Variants in GAS7 observed in about 807,000 individuals in gnomAD.
GAS7 encodes growth arrest specific 7, also known as growth arrest-specific protein 7.
GAS7 carries 28 observed loss-of-function variants against 71.1 expected under a neutral mutation model. The observed-to-expected ratio is 0.39, with a 90% CI of 0.29 to 0.54. The LOEUF (loss-of-function observed/expected upper bound fraction) is 0.54. Among genes scored for constraint, GAS7 ranks in the 20% least tolerant of loss-of-function variants. The probability of loss-of-function intolerance (pLI) is 0.62; values close to 1 mark genes in which losing one functional copy is unlikely to be tolerated. For synonymous variants in GAS7, 258 were observed against 245.8 expected, an observed-to-expected ratio of 1.05 and a Z score of -0.46; for missense variants, 436 against 627.8, an observed-to-expected ratio of 0.69 and a Z score of 3.27.
At chr17:10,041,546 C>A (rs2072870329) in intron 1 of GAS7, among the ~76,000 whole-genome samples, 3 of 152,234 alleles carry the variant, frequency 2.0e-5, no homozygotes, top group Admixed American at 2.0e-4. Flanking sequence ...GCAGAACACA[C>A]TAGTCCTGCA....
At chr17:10,168,099 C>T (rs1310847960) in intron 1 of GAS7, among the ~76,000 whole-genome samples, 1 of 152,156 alleles carries the variant, frequency 6.6e-6, no homozygotes, top group Non-Finnish European at 1.5e-5. Context: ...AGGCTCAATT[C>T]TTTGCCATGG....
intron 2 of GAS7, among the ~76,000 whole-genome samples, chr17:10,007,731 G>A (rs1039782724): frequency 2.7e-5 from 4 of 149,226 alleles, no homozygotes; most frequent in Non-Finnish European, 5.9e-5. Flanking sequence ...CACTTTTATT[G>A]CAATATAATT....
chr17:10,160,151 C>T (rs2074240660), intron 1 of GAS7, among the ~76,000 whole-genome samples: 1 of 152,138 alleles, frequency 6.6e-6, no homozygotes, highest in African/African-American at 2.4e-5. Flanking sequence ...AGCGATCCAC[C>T]CACCTCAGCC....
At chr17:10,066,111 G>A (rs955439644) in intron 1 of GAS7, among the ~76,000 whole-genome samples, 6 of 152,174 alleles carry the variant, frequency 3.9e-5, no homozygotes, top group Admixed American at 3.3e-4. Context: ...TTGCTATGGC[G>A]TAGGGTAGGA....
At chr17:10,069,631 T>C (rs1283042818) in intron 1 of GAS7, among the ~76,000 whole-genome samples, 3 of 152,174 alleles carry the variant, frequency 2.0e-5, no homozygotes, top group Non-Finnish European at 2.9e-5. Flanking sequence ...CTGTGGTCCA[T>C]TTGACCCCAC....
intron 1 of GAS7, among the ~76,000 whole-genome samples, chr17:10,122,344 A>G (rs3764425): frequency 0.33 from 50,375 of 151,980 alleles, 8,763 homozygotes; most frequent in East Asian, 0.62. Flanking sequence ...TCTCCCTCCC[A>G]GACACGTGCA....
At chr17:9,990,557 C>T (rs1021416473) in intron 2 of GAS7, among the ~76,000 whole-genome samples, 1 of 152,084 alleles carries the variant, frequency 6.6e-6, no homozygotes, top group Non-Finnish European at 1.5e-5. Flanking sequence ...TTGGAAGGCT[C>T]CTATCACAGA....
At chr17:10,117,408 T>C (rs562848433) in intron 1 of GAS7, among the ~76,000 whole-genome samples, 97 of 152,244 alleles carry the variant, frequency 6.4e-4, no homozygotes, top group Non-Finnish European at 1.3e-3. Context: ...CTCCAGAGAT[T>C]AGAAGGTAGA....
Position 10,041,174 on chromosome 17 carries a change from A to AAAAAAAAAG in GAS7, c.184-21278_184-21277insCTTTTTTTT, listed in dbSNP as rs1555528019. On this transcript the variant is annotated intron_variant, in intron 1 of 13. Transcript: ENST00000432992. ...AAGACTGCCTAAAAAAAAAAAAAAA[A>AAAAAAAAAG]AAGAAGAAGGTAAAAGCAAAACTTC... 1.3e-3 allele frequency among the ~76,000 whole-genome samples: 192 copies of AAAAAAAAAG among 151,078 alleles called. 1 individual carries two copies. Among genetic ancestry groups the AAAAAAAAAG allele is most frequent in the African/African-American group, 4.5e-3 (183 of 40,614 alleles).
chr17:10,190,176 G>C (rs1244014496), intron 1 of GAS7, among the ~76,000 whole-genome samples: 2 of 152,190 alleles, frequency 1.3e-5, no homozygotes, highest in African/African-American at 4.8e-5. Context: ...GCGCACTACA[G>C]ATCACACCGA....
At chr17:9,985,378 C>A (rs1277280550) in intron 2 of GAS7, among the ~76,000 whole-genome samples, 1 of 152,206 alleles carries the variant, frequency 6.6e-6, no homozygotes, top group African/African-American at 2.4e-5. Context: ...AGACTGACAT[C>A]CCACTGGCTT....
chr17:10,090,510 G>C lies in GAS7; in HGVS notation c.184-70613C>G, dbSNP rs78552928. Among the ~76,000 whole-genome samples the C allele has an allele frequency of 6.8e-3, 1,029 of 151,926 alleles. 4 individuals carry two copies. Among genetic ancestry groups the C allele is most frequent in the Admixed American group, 9.0e-3 (137 of 15,258 alleles). On this transcript the variant is annotated intron_variant, in intron 1 of 13. Transcript: ENST00000432992. ...GACAGAGACACAAGCATACTACACC[G>C]TCAGAATGGGAAACTGCAAATCTAA...
intron 1 of GAS7, among the ~76,000 whole-genome samples, chr17:10,023,859 C>T (rs942504342): frequency 6.6e-6 from 1 of 152,160 alleles, no homozygotes; most frequent in African/African-American, 2.4e-5. Flanking sequence ...CACGGTGGCT[C>T]ACACCTGTAA....
rs951642008 is a variant in GAS7 at position 10,198,498 on chromosome 17, T to C, written c.-108A>G. 73 of 757,634 alleles carry C rather than the reference T, an allele frequency of 9.6e-5. No individual in the cohort carries two copies. Among genetic ancestry groups the C allele is most frequent in the Middle Eastern group, 4.1e-4 (1 of 2,414 alleles). The allele number at this position is 757,634 out of a possible 1,614,324, so 46.9% of individuals were successfully genotyped here. On this transcript the variant is annotated 5_prime_UTR_variant, in exon 1 of 14. Coordinates refer to ENST00000432992, the MANE Select transcript of GAS7 (RefSeq NM_201433.2). ...CGCCCGGCGCTCCGGGCTCCCGCGC[T>C]CTGGGCGCGCGCCGTCTCTGGGGTG...
chr17:10,049,004 C>T (rs997974868), intron 1 of GAS7, among the ~76,000 whole-genome samples: 1 of 152,228 alleles, frequency 6.6e-6, no homozygotes, highest in Non-Finnish European at 1.5e-5. Flanking sequence ...ACGAGTTTCT[C>T]CTACAAGGCC....
intron 4 of GAS7, among the ~76,000 whole-genome samples, chr17:9,966,765 G>A (rs573681167): frequency 3.0e-4 from 46 of 152,234 alleles, no homozygotes; most frequent in Admixed American, 1.3e-3. Flanking sequence ...AGGCTGAGGC[G>A]GGAGGATTGT....
At chr17:10,096,502 G>C (rs2073642341) in intron 1 of GAS7, among the ~76,000 whole-genome samples, 1 of 152,172 alleles carries the variant, frequency 6.6e-6, no homozygotes, top group African/African-American at 2.4e-5. Flanking sequence ...TGTCACTTGG[G>C]CCTGCATACC....
intron 1 of GAS7, among the ~76,000 whole-genome samples, chr17:10,055,779 C>A (rs535079764): frequency 6.6e-6 from 1 of 152,222 alleles, no homozygotes; most frequent in South Asian, 2.1e-4. Context: ...CCACACATAA[C>A]GCGCTCTGAT....
chr17:10,142,057 T>C (rs1050149669), intron 1 of GAS7, among the ~76,000 whole-genome samples: 29 of 151,844 alleles, frequency 1.9e-4, no homozygotes, highest in African/African-American at 5.3e-4. Context: ...TGAAACCCCG[T>C]CTCTACTAAA....
Sources: gnomAD v4.1 joint callset for allele counts (sites outside exome capture counted in the v4.1 genomes callset) on GRCh38, gnomAD v4.1.1 for gene constraint, MANE v1.5 for transcripts, NCBI Gene and HGNC (gene_info 2026-07-23, HGNC 2026-07-21) for gene names.